Variants in RORA observed in about 807,000 individuals in gnomAD.
The protein encoded by RORA is nuclear receptor ROR-alpha.
RORA carries 7 observed loss-of-function variants against 69.5 expected under a neutral mutation model. The observed-to-expected ratio is 0.10, with a 90% confidence interval of 0.06 to 0.19. The LOEUF (loss-of-function observed/expected upper bound fraction) is 0.19, where lower values mean the gene tolerates loss of function less well. RORA is among the 10% of genes least tolerant of loss of function. The pLI, the probability that RORA is intolerant of heterozygous loss-of-function variation, is 1.00. For missense variants in RORA, 457 were observed against 663.0 expected (o/e 0.69, Z 3.41); for synonymous variants, 261 against 240.8 (o/e 1.08, Z -0.78).
chr15:61,166,592 CATG>C (rs970005254), intron 1 of RORA, among the ~76,000 whole-genome samples: 2 of 152,190 alleles, frequency 1.3e-5, no homozygotes, highest in African/African-American at 4.8e-5. Context: ...CTCACAGCAG[CATG>C]ATATTATAGG....
At chr15:61,050,953 T>C (rs1897265044) in intron 1 of RORA, among the ~76,000 whole-genome samples, 3 of 152,198 alleles carry the variant, frequency 2.0e-5, no homozygotes, top group Admixed American at 2.0e-4. Context: ...CACGTTATAG[T>C]GGCTGCTGCT....
At chr15:61,065,861 C>T (rs1028371399) in intron 1 of RORA, among the ~76,000 whole-genome samples, 11 of 152,308 alleles carry the variant, frequency 7.2e-5, no homozygotes, top group African/African-American at 2.4e-4. Flanking sequence ...AATCTGACTA[C>T]ATTTCATATT....
chr15:61,016,208 C>T (rs1034104306), intron 1 of RORA, among the ~76,000 whole-genome samples: 1 of 152,176 alleles, frequency 6.6e-6, no homozygotes, highest in African/African-American at 2.4e-5. Flanking sequence ...CTAATAATGG[C>T]ACTCTGCTTC....
chr15:60,986,147 T>C (rs1271131198), intron 1 of RORA, among the ~76,000 whole-genome samples: 4 of 151,968 alleles, frequency 2.6e-5, no homozygotes, highest in Non-Finnish European at 4.4e-5. Flanking sequence ...CTTTTTTTTT[T>C]CCTGGAGACG....
intron 1 of RORA, among the ~76,000 whole-genome samples, chr15:60,989,458 C>T (rs1036822725): frequency 2.0e-5 from 3 of 152,134 alleles, no homozygotes; most frequent in Non-Finnish European, 4.4e-5. Context: ...TTTATGTATC[C>T]ATTAATCAGT....
intron 1 of RORA, among the ~76,000 whole-genome samples, chr15:61,198,570 C>A (rs187158833): frequency 8.6e-4 from 130 of 151,654 alleles, no homozygotes; most frequent in African/African-American, 3.0e-3. Context: ...AATTCATGTC[C>A]TGGAAAGAAG....
Position 61,216,918 on chromosome 15 carries a change from A to G in RORA, c.166+12135T>C, listed in dbSNP as rs112980624. ...GCAGGCTTGTAAAAACCACATACAC[A>G]TATTGTCTCCCAACACGTCCAGCTT... is the stretch of plus-strand genomic sequence containing the variant. On this transcript the variant is annotated intron_variant, in intron 1 of 10. Coordinates refer to ENST00000335670, the MANE Select transcript of RORA (RefSeq NM_134261.3). Among the ~76,000 whole-genome samples the G allele has an allele frequency of 4.3e-3, 650 of 152,270 alleles. 3 individuals carry two copies. Among genetic ancestry groups the G allele is most frequent in the African/African-American group, 0.015 (627 of 41,544 alleles).
At chr15:61,031,564 T>C (rs1036700530) in intron 1 of RORA, among the ~76,000 whole-genome samples, 30 of 152,152 alleles carry the variant, frequency 2.0e-4, no homozygotes, top group African/African-American at 7.0e-4. Context: ...AAGTTCTTCT[T>C]GGCAAATTGG....
chr15:60,655,010 C>T (rs1242786053), intron 2 of RORA, among the ~76,000 whole-genome samples: 1 of 152,112 alleles, frequency 6.6e-6, no homozygotes, highest in South Asian at 2.1e-4. Context: ...CCATAGGAAA[C>T]GAATACACTT....
At chr15:60,791,084 G>A (rs78498480) in intron 1 of RORA, among the ~76,000 whole-genome samples, 1 of 152,056 alleles carries the variant, frequency 6.6e-6, no homozygotes, top group Non-Finnish European at 1.5e-5. Context: ...GTATCAAAAA[G>A]TCTGGCTCTT....
Position 60,915,729 on chromosome 15 carries a change from A to G in RORA, c.167-237043T>C, listed in dbSNP as rs112304838. On this transcript the variant is annotated intron_variant, in intron 1 of 10. Transcript: ENST00000335670. The stretch of plus-strand genomic sequence containing the variant: ...AAATGAGGAAGCTTCGGCTTGAAGA[A>G]GTGGAAGAGGAAGCAGCATAAGATC... 1.8e-3 allele frequency among the ~76,000 whole-genome samples: 277 copies of G among 152,302 alleles called. 3 individuals are homozygous for G. The highest frequency in any genetic ancestry group is 5.6e-3 in the African/African-American group (231 of 41,574).
intron 2 of RORA, among the ~76,000 whole-genome samples, chr15:60,638,216 C>T (rs2069874845): frequency 6.6e-6 from 1 of 151,952 alleles, no homozygotes; most frequent in South Asian, 2.1e-4. Context: ...GAAACTGTCA[C>T]AAAATAAAAA....
rs538161547 is a variant in RORA at position 60,868,254 on chromosome 15, T to C, written c.167-189568A>G. ...TGCATGGTCCCTGTCACTGGAGGTA[T>C]CTGTGAATAAACTAGATAAGCACTT... On this transcript the variant is annotated intron_variant, in intron 1 of 10. Transcript: ENST00000335670. Among the ~76,000 whole-genome samples the C allele has an allele frequency of 5.3e-5, 8 of 152,258 alleles. No homozygotes were observed. The South Asian group carries it at 1.7e-3, about 32-fold the overall frequency.
intron 3 of RORA, among the ~76,000 whole-genome samples, chr15:60,516,003 A>ATATATTTATATATATT (rs1567051290): frequency 1.7e-3 from 5 of 2,890 alleles, no homozygotes; most frequent in Non-Finnish European, 2.1e-3. Flanking sequence ...ATATATATTT[A>ATATATTTATATATATT]TATATATTTA....
At chr15:60,968,391 T>G (rs755448905) in intron 1 of RORA, among the ~76,000 whole-genome samples, 3 of 152,204 alleles carry the variant, frequency 2.0e-5, no homozygotes, top group Admixed American at 6.5e-5. Context: ...TCAGGAAATC[T>G]GGGGTGGGGC....
intron 1 of RORA, among the ~76,000 whole-genome samples, chr15:60,946,148 G>A (rs1051500611): frequency 6.6e-6 from 1 of 152,176 alleles, no homozygotes; most frequent in Non-Finnish European, 1.5e-5. Context: ...GGGTGATTCC[G>A]CACAGCGTCC....
At chr15:60,506,504 T>A (rs1037820082) in intron 5 of RORA, among the ~76,000 whole-genome samples, 2 of 152,058 alleles carry the variant, frequency 1.3e-5, no homozygotes, top group Non-Finnish European at 2.9e-5. Flanking sequence ...GATAATAAGG[T>A]ATAAAGTTGA....
chr15:60,741,062 C>T (rs1358078170), intron 1 of RORA, among the ~76,000 whole-genome samples: 2 of 152,210 alleles, frequency 1.3e-5, no homozygotes, highest in Admixed American at 1.3e-4. Context: ...AGTGAATGGA[C>T]ATCCCATGCT....
chr15:60,803,784 A>G lies in RORA; in HGVS notation c.167-125098T>C, dbSNP rs141192318. Among the ~76,000 whole-genome samples the G allele has an allele frequency of 4.9e-4, 75 of 152,080 alleles. 1 individual carries two copies. The East Asian group carries it at 0.014, about 27-fold the overall frequency. ...TACCTACAACCCCCATGATATCCCT[A>G]TTTTCTCCAGTTACCCAAAAAGAGA... On this transcript the variant is annotated intron_variant, in intron 1 of 10. Coordinates refer to ENST00000335670, the MANE Select transcript of RORA (RefSeq NM_134261.3).
Sources: allele counts gnomAD v4.1 joint callset (sites outside exome capture counted in the v4.1 genomes callset), GRCh38; gene constraint gnomAD v4.1.1; transcripts MANE v1.5; gene names NCBI Gene and HGNC (gene_info 2026-07-23, HGNC 2026-07-21).